ASPRV1: variants seen among roughly 807,000 people sequenced by gnomAD.
ASPRV1 encodes the protein retroviral-like aspartic protease 1.
A neutral mutation model predicts 11.0 loss-of-function variants in ASPRV1; 7 were observed. That is an observed-to-expected ratio of 0.64 (90% confidence interval 0.36 to 1.20). The LOEUF is 1.20. Ranked by LOEUF, ASPRV1 falls within the 50% of genes most tolerant of loss-of-function variation. ASPRV1 has a pLI of 0.02. For missense variants in ASPRV1, 299 were observed against 320.0 expected, an observed-to-expected ratio of 0.93 and a Z score of 0.50; for synonymous variants, 136 against 138.4, an observed-to-expected ratio of 0.98 and a Z score of 0.12.
chr2:70,037,534 G>T, the ASPRV1 span, among the ~76,000 whole-genome samples: 37 of 152,290 alleles, frequency 2.4e-4, no homozygotes, highest in East Asian at 7.1e-3. Flanking sequence ...GGGATTACAG[G>T]CATGAGGCAC....
chr2:70,028,066 C>T, the ASPRV1 span, among the ~76,000 whole-genome samples: 1 of 152,132 alleles, frequency 6.6e-6, no homozygotes, highest in African/African-American at 2.4e-5. Context: ...CTCAGATCCT[C>T]CAACATATCT....
At chr2:70,036,875 A>G in the ASPRV1 span, among the ~76,000 whole-genome samples, 1 of 152,078 alleles carries the variant, frequency 6.6e-6, no homozygotes, top group Non-Finnish European at 1.5e-5. Context: ...GTTTATGATT[A>G]CTGCCCACTC....
the ASPRV1 span, among the ~76,000 whole-genome samples, chr2:70,054,509 G>A: frequency 9.2e-5 from 14 of 151,490 alleles, no homozygotes; most frequent in South Asian, 2.1e-4. Flanking sequence ...CCCGGGAGGC[G>A]GAGTTTGCAG....
chr2:70,045,057 C>A, the ASPRV1 span, among the ~76,000 whole-genome samples: 2 of 152,200 alleles, frequency 1.3e-5, no homozygotes, highest in African/African-American at 4.8e-5. Flanking sequence ...GCTGCAGCAT[C>A]TCTATATATA....
At chr2:70,065,819 C>CAAAAAAAAAAAAAA in the ASPRV1 span, among the ~76,000 whole-genome samples, 200 of 67,320 alleles carry the variant, frequency 3.0e-3, no homozygotes, top group Non-Finnish European at 4.1e-3. Context: ...GCTTTTGACT[C>CAAAAAAAAAAAAAA]AAAAAAAAAA....
chr2:70,066,909 G>C, the ASPRV1 span, among the ~76,000 whole-genome samples: 4 of 152,084 alleles, frequency 2.6e-5, no homozygotes, highest in Admixed American at 6.6e-5. Context: ...ATTTTATGAA[G>C]ATCACTCTGG....
the ASPRV1 span, among the ~76,000 whole-genome samples, chr2:69,998,743 A>C: frequency 6.6e-6 from 1 of 152,086 alleles, no homozygotes; most frequent in African/African-American, 2.4e-5. Context: ...AAAAAAAAAA[A>C]AGATTTCTTT....
At chr2:70,022,119 G>T in the ASPRV1 span, among the ~76,000 whole-genome samples, 1 of 147,398 alleles carries the variant, frequency 6.8e-6, no homozygotes, top group South Asian at 2.2e-4. Flanking sequence ...GGTTCATGCC[G>T]TTCTCCCGCC....
chr2:70,006,599 G>A, the ASPRV1 span, among the ~76,000 whole-genome samples: 2 of 152,128 alleles, frequency 1.3e-5, no homozygotes, highest in Non-Finnish European at 2.9e-5. Context: ...AGCCCAGAGG[G>A]AAGAGGGCCA....
At chr2:70,073,543 TTTG>T in the ASPRV1 span, among the ~76,000 whole-genome samples, 2 of 152,180 alleles carry the variant, frequency 1.3e-5, no homozygotes, top group Non-Finnish European at 2.9e-5. Flanking sequence ...TTAACGATAC[TTTG>T]TTAAGTATTT....
chr2:70,020,913 G>T, the ASPRV1 span, among the ~76,000 whole-genome samples: 1 of 152,150 alleles, frequency 6.6e-6, no homozygotes, highest in Non-Finnish European at 1.5e-5. Flanking sequence ...AAGATGAAAA[G>T]AATTCTAGAG....
At chr2:69,939,008 G>A in the ASPRV1 span, 2 of 152,504 alleles carry the variant, frequency 1.3e-5, no homozygotes, top group East Asian at 1.9e-4. Context: ...TTGGGACCTC[G>A]CTGTGTTCTG....
downstream of ASPRV1, among the ~76,000 whole-genome samples, chr2:69,958,994 C>G (rs899566922): frequency 3.9e-5 from 6 of 152,112 alleles, no homozygotes; most frequent in Non-Finnish European, 7.4e-5. Context: ...TCGGTAAACC[C>G]CGAGGATTAG....
the ASPRV1 span, among the ~76,000 whole-genome samples, chr2:70,077,061 G>A: frequency 6.6e-6 from 1 of 152,064 alleles, no homozygotes; most frequent in South Asian, 2.1e-4. Flanking sequence ...CAGGAGGTCC[G>A]ACCCCATAGT....
the ASPRV1 span, among the ~76,000 whole-genome samples, chr2:69,933,211 AAAAAAAAAAAAAAC>A: frequency 3.4e-5 from 5 of 146,364 alleles, no homozygotes; most frequent in East Asian, 1.0e-3. Flanking sequence ...AAAAAAAAAA[AAAAAAAAAAAAAAC>A]AAAAAAAGAA....
the ASPRV1 span, chr2:69,993,602 G>A: frequency 6.6e-6 from 1 of 152,150 alleles, no homozygotes; most frequent in African/African-American, 2.4e-5. Context: ...GAGTCACTGA[G>A]GTTCCCATCA....
chr2:70,000,336 C>CACACACA, the ASPRV1 span, among the ~76,000 whole-genome samples: 66 of 126,340 alleles, frequency 5.2e-4, no homozygotes, highest in African/African-American at 2.0e-3. Context: ...AAAAAAAAAA[C>CACACACA]CACACACACA....
At chr2:70,053,721 G>C in the ASPRV1 span, 1 of 150,904 alleles carries the variant, frequency 6.6e-6, no homozygotes, top group African/African-American at 2.5e-5. Context: ...TCTGGCTTCA[G>C]CTCTCTTACC....
chr2:69,943,223 T>G, the ASPRV1 span, among the ~76,000 whole-genome samples: 1 of 152,190 alleles, frequency 6.6e-6, no homozygotes, highest in Non-Finnish European at 1.5e-5. Flanking sequence ...TGACTTGCCC[T>G]TTGTTTTGGG....
Sources: gnomAD v4.1 joint callset for allele counts (sites outside exome capture counted in the v4.1 genomes callset) on GRCh38, gnomAD v4.1.1 for gene constraint, MANE v1.5 for transcripts, NCBI Gene and HGNC (gene_info 2026-07-23, HGNC 2026-07-21) for gene names.